CLNK: variants seen among roughly 807,000 people sequenced by gnomAD.
CLNK encodes cytokine dependent hematopoietic cell linker, also known as cytokine-dependent hematopoietic cell linker.
CLNK carries 74 observed loss-of-function variants against 68.6 expected under a neutral mutation model. The observed-to-expected ratio is 1.08, with a 90% CI of 0.89 to 1.31. The LOEUF (loss-of-function observed/expected upper bound fraction) is 1.31, where lower values mean the gene tolerates loss of function less well. Ranked by LOEUF, CLNK falls within the 50% of genes most tolerant of loss-of-function variation. The pLI is 0.00. For missense variants in CLNK, 553 were observed against 515.3 expected, an observed-to-expected ratio of 1.07 and a Z score of -0.71; for synonymous variants, 198 against 172.2, an observed-to-expected ratio of 1.15 and a Z score of -1.17.
intron 2 of CLNK, among the ~76,000 whole-genome samples, chr4:10,637,444 T>TTG (rs1553861365): frequency 1.3e-5 from 2 of 151,016 alleles, no homozygotes; most frequent in African/African-American, 4.9e-5. Flanking sequence ...AAAAGTTTTT[T>TTG]TTTTTTTTTT....
At chr4:10,571,830 A>C in intron 4 of CLNK, 52 bp from the exon 5 acceptor site, 1 of 1,434,372 alleles carries the variant, frequency 7.0e-7, no homozygotes, top group Non-Finnish European at 9.8e-7. Flanking sequence ...GTAGCTCCAA[A>C]CATCAAAAAG....
At chr4:10,729,677 T>C in the CLNK span, among the ~76,000 whole-genome samples, 1 of 152,144 alleles carries the variant, frequency 6.6e-6, no homozygotes. Context: ...CAATCAGAAA[T>C]GGAAAGTCAA....
In CLNK at chr4:10,584,945, G is replaced by A. The variant is rs749241563; in HGVS notation, c.94C>T (p.Arg32Cys). 2.7e-5 allele frequency: 43 copies of A among 1,613,660 alleles called. No individual in the cohort carries two copies. The highest frequency in any genetic ancestry group is 5.3e-5 in the African/African-American group (4 of 74,994). ...FSLPKNRSWP[R>C]INSATGQYQR... ...GACTCACCTGTGGCACTATTGATGC[G>A]AGGCCATGACCTAGGGCAGAAAAGA... Residue 32 changes from arginine to cysteine, a missense_variant, in exon 4 of 19, where the codon CGC becomes TGC. Physicochemically the swap from Arg to Cys is radical, Grantham distance 180 (BLOSUM62 -3). Transcript: ENST00000226951.
At chr4:10,693,971 A>T in the CLNK span, among the ~76,000 whole-genome samples, 1 of 152,092 alleles carries the variant, frequency 6.6e-6, no homozygotes, top group Admixed American at 6.6e-5. Flanking sequence ...TTTAAATAGC[A>T]CTTGAGATAA....
the CLNK span, among the ~76,000 whole-genome samples, chr4:10,722,697 G>A: frequency 6.6e-6 from 1 of 152,202 alleles, no homozygotes; most frequent in African/African-American, 2.4e-5. Context: ...TCCACAGGGT[G>A]GGAGTGGGCC....
At chr4:10,708,462 G>A in the CLNK span, among the ~76,000 whole-genome samples, 1 of 152,112 alleles carries the variant, frequency 6.6e-6, no homozygotes, top group Non-Finnish European at 1.5e-5. Flanking sequence ...ATGCCCATCA[G>A]TGGCAGAGCT....
intron 6 of CLNK, among the ~76,000 whole-genome samples, chr4:10,565,584 T>C (rs1720074869): frequency 9.4e-6 from 1 of 105,990 alleles, no homozygotes; most frequent in Non-Finnish European, 2.0e-5. Context: ...TAAAAAGTCT[T>C]TTTTTTTTCA....
chr4:10,555,204 A>T (rs1042730698), intron 8 of CLNK, among the ~76,000 whole-genome samples: 2 of 150,144 alleles, frequency 1.3e-5, no homozygotes, highest in African/African-American at 2.4e-5. Context: ...CCTAGGCATA[A>T]TTTTTTTTTT....
chr4:10,627,689 A>G (rs1722728646), intron 2 of CLNK, among the ~76,000 whole-genome samples: 1 of 151,600 alleles, frequency 6.6e-6, no homozygotes, highest in South Asian at 2.1e-4. Context: ...ATTGCTAACT[A>G]CTCATGTTTT....
the CLNK span, among the ~76,000 whole-genome samples, chr4:10,723,765 T>G: frequency 6.6e-6 from 1 of 152,146 alleles, no homozygotes; most frequent in Non-Finnish European, 1.5e-5. Flanking sequence ...TTGAAACAGC[T>G]TGTTCGGGAA....
the CLNK span, among the ~76,000 whole-genome samples, chr4:10,710,028 G>A: frequency 6.6e-6 from 1 of 152,194 alleles, no homozygotes; most frequent in African/African-American, 2.4e-5. Flanking sequence ...TGATATGGTG[G>A]TGTTTGTTAG....
intron 11 of CLNK, among the ~76,000 whole-genome samples, chr4:10,539,671 T>G (rs1718939656): frequency 6.6e-6 from 1 of 152,198 alleles, no homozygotes; most frequent in African/African-American, 2.4e-5. Flanking sequence ...GTCCCACACG[T>G]TTGGGAATGA....
At chr4:10,701,725 C>T in the CLNK span, among the ~76,000 whole-genome samples, 1 of 152,204 alleles carries the variant, frequency 6.6e-6, no homozygotes, top group Admixed American at 6.5e-5. Context: ...ATGAATGATC[C>T]CCAATTTATA....
chr4:10,629,519 A>AT (rs1198743641), intron 2 of CLNK, among the ~76,000 whole-genome samples: 1 of 152,212 alleles, frequency 6.6e-6, no homozygotes, highest in Non-Finnish European at 1.5e-5. Flanking sequence ...CAGCTGGGGC[A>AT]GAGCGAGGAA....
At position 10,667,874 on chromosome 4, in the gene CLNK, C is replaced by T. The variant is rs746081171; in HGVS notation, c.-5G>A. On this transcript the variant is annotated 5_prime_UTR_variant, in exon 2 of 19. Coordinates refer to ENST00000226951, the MANE Select transcript of CLNK (RefSeq NM_052964.4). ...CGGTACTTACTGCCTGTTCATAGTT[C>T]TTGGCACCTGGCGGGTAAGAGGGAT... The T allele has an allele frequency of 6.9e-6, 11 of 1,589,172 alleles. No homozygotes were observed. Among genetic ancestry groups the T allele is most frequent in the Non-Finnish European group, 8.6e-6 (10 of 1,166,162 alleles).
chr4:10,543,593 C>T (rs981682999), intron 8 of CLNK, among the ~76,000 whole-genome samples: 8 of 152,256 alleles, frequency 5.3e-5, no homozygotes, highest in Middle Eastern at 3.4e-3. Context: ...AATTTCAGCC[C>T]GCTCTCCACT....
intron 2 of CLNK, among the ~76,000 whole-genome samples, chr4:10,634,387 G>A (rs1222559417): frequency 6.6e-6 from 1 of 152,202 alleles, no homozygotes; most frequent in Non-Finnish European, 1.5e-5. Flanking sequence ...CAGCCAGCTT[G>A]CTGTGTGCGC....
intron 18 of CLNK, among the ~76,000 whole-genome samples, chr4:10,492,550 G>A (rs140545652): frequency 9.2e-5 from 14 of 152,300 alleles, no homozygotes; most frequent in Admixed American, 3.3e-4. Context: ...AAAATTGTCC[G>A]TTGAGGCTTA....
chr4:10,630,107 C>G (rs1164658138), intron 2 of CLNK, among the ~76,000 whole-genome samples: 1 of 152,156 alleles, frequency 6.6e-6, no homozygotes, highest in Non-Finnish European at 1.5e-5. Flanking sequence ...TCACTATGCT[C>G]CTACTCCAGA....
Sources: allele counts gnomAD v4.1 joint callset (sites outside exome capture counted in the v4.1 genomes callset), GRCh38; gene constraint gnomAD v4.1.1; transcripts MANE v1.5; gene names NCBI Gene and HGNC (gene_info 2026-07-23, HGNC 2026-07-21).